The following GRAMD1B variants were observed in gnomAD, a reference collection of about 807,000 sequenced individuals.
GRAMD1B encodes GRAM domain containing 1B, also known as protein Aster-B.
In GRAMD1B, 37 loss-of-function variants were observed where a neutral mutation model predicts 99.7. The ratio of observed to expected loss-of-function variants is 0.37; its 90% CI spans 0.29 to 0.49. The LOEUF (loss-of-function observed/expected upper bound fraction) is 0.49. GRAMD1B is among the 20% of genes least tolerant of loss of function. The pLI is 0.98. For synonymous variants in GRAMD1B, 427 were observed against 387.6 expected (o/e 1.10, Z -1.19); for missense variants, 888 against 1,009.2 (o/e 0.88, Z 1.63).
At chr11:123,406,767 T>C (rs548454792) in intron 1 of GRAMD1B, among the ~76,000 whole-genome samples, 8 of 152,340 alleles carry the variant, frequency 5.3e-5, no homozygotes, top group Admixed American at 2.6e-4. Flanking sequence ...TTTTAAGGGC[T>C]CTCAAGGGAG....
rs181454215 is a variant in GRAMD1B, at chr11:123,490,164, G to A, written c.452+9271G>A. Among the ~76,000 whole-genome samples, 7 of 152,350 alleles carry A rather than the reference G, an allele frequency of 4.6e-5. No individual in the cohort carries two copies. The South Asian group carries it at 8.3e-4, about 18-fold the overall frequency. ...AAATGCAAACTTGGAATTTGGATGG[G>A]TGTCTTAAAGGAAGAGGACATAGTA... On this transcript the variant is annotated intron_variant, in intron 2 of 19. Coordinates refer to ENST00000635736, the MANE Select transcript of GRAMD1B (RefSeq NM_001387025.1).
intron 2 of GRAMD1B, among the ~76,000 whole-genome samples, chr11:123,507,031 G>A (rs899513386): frequency 6.6e-6 from 1 of 152,148 alleles, no homozygotes; most frequent in African/African-American, 2.4e-5. Flanking sequence ...AAACTGAGTC[G>A]GTAGATGTTT....
Position 123,412,039 on chromosome 11 carries a change from A to G in GRAMD1B, c.-176+53240A>G, listed in dbSNP as rs749444992. Among the ~76,000 whole-genome samples, 19 of 152,232 alleles carry G rather than the reference A, an allele frequency of 1.2e-4. 1 individual carries two copies. The highest frequency in any genetic ancestry group is 7.2e-4 in the Admixed American group (11 of 15,284). ...TTATATATAAATACATGTGTTGTAT[A>G]TATATGTAATACATATACATACACA... On this transcript the variant is annotated intron_variant, in intron 1 of 20. Transcript: ENST00000638157.
Position 123,612,836 on chromosome 11 carries a change from T to G in GRAMD1B, c.1995T>G (p.Ser665Arg). 6.2e-7 allele frequency: 1 copy of G among 1,609,494 alleles called. No individual in the cohort carries two copies. Among genetic ancestry groups the G allele is most frequent in the Admixed American group, 1.7e-5 (1 of 59,940 alleles). ...VKTFIEKNFW[S>R]GLEDYFRHLE... ...CGTTCATCGAGAAGAACTTCTGGAG[T>G]GGGCTGGAGGACTACTTCCGCCATT... Residue 665 changes from serine (S) to arginine (R), a missense_variant, in exon 15 of 20, where the codon AGT becomes AGG. Transcript: ENST00000635736.
intron 1 of GRAMD1B, among the ~76,000 whole-genome samples, chr11:123,370,526 G>A (rs1018137089): frequency 6.6e-6 from 1 of 151,796 alleles, no homozygotes; most frequent in African/African-American, 2.4e-5. Context: ...ATTTTTGCTA[G>A]AGACAGGGGT....
chr11:123,482,972 C>G (rs770570841), intron 2 of GRAMD1B, among the ~76,000 whole-genome samples: 5 of 151,432 alleles, frequency 3.3e-5, no homozygotes, highest in Non-Finnish European at 5.9e-5. Flanking sequence ...GGCAGAATCA[C>G]TTGAACCCAG....
intron 4 of GRAMD1B, among the ~76,000 whole-genome samples, chr11:123,586,152 C>T (rs1355971944): frequency 1.3e-5 from 2 of 152,148 alleles, no homozygotes; most frequent in Non-Finnish European, 2.9e-5. Flanking sequence ...GAAGCAGATG[C>T]TGTCTCTTGG....
intron 2 of GRAMD1B, among the ~76,000 whole-genome samples, chr11:123,547,847 A>G (rs1591935397): frequency 6.6e-6 from 1 of 152,156 alleles, no homozygotes; most frequent in African/African-American, 2.4e-5. Flanking sequence ...TCAGTTGACA[A>G]GGCCCACATG....
At chr11:123,420,251 G>A (rs1196307914) in intron 1 of GRAMD1B, among the ~76,000 whole-genome samples, 2 of 152,150 alleles carry the variant, frequency 1.3e-5, no homozygotes, top group African/African-American at 2.4e-5. Flanking sequence ...TTGGAGCCTT[G>A]AGTCTGCAGT....
intron 2 of GRAMD1B, among the ~76,000 whole-genome samples, chr11:123,568,402 T>A (rs1947645155): frequency 6.6e-6 from 1 of 152,250 alleles, no homozygotes. Context: ...GTTCCACCTT[T>A]GGTCCAAATT....
At chr11:123,583,260 CATGCGCATGTGT>C in intron 3 of GRAMD1B, among the ~76,000 whole-genome samples, 1 of 143,166 alleles carries the variant, frequency 7.0e-6, no homozygotes, top group Non-Finnish European at 1.5e-5. Flanking sequence ...TGTGTGTGCA[CATGCGCATGTGT>C]GTGTGCATGT....
intron 1 of GRAMD1B, among the ~76,000 whole-genome samples, chr11:123,415,037 G>T (rs753818961): frequency 6.8e-4 from 103 of 151,462 alleles, no homozygotes; most frequent in Non-Finnish European, 1.2e-3. Context: ...TGTATGAAAG[G>T]CCCCTAAGGC....
chr11:123,440,132 A>G (rs1949339712), intron 1 of GRAMD1B, among the ~76,000 whole-genome samples: 1 of 152,226 alleles, frequency 6.6e-6, no homozygotes, highest in Non-Finnish European at 1.5e-5. Flanking sequence ...AGAGTCTTCA[A>G]GCTTGTTGTC....
At chr11:123,560,628 A>G (rs1024441422) in intron 2 of GRAMD1B, 4 of 483,414 alleles carry the variant, frequency 8.3e-6, no homozygotes, top group Admixed American at 2.4e-5. Context: ...GCACTCTGCT[A>G]CTGTTCCTAC....
intron 3 of GRAMD1B, among the ~76,000 whole-genome samples, chr11:123,583,964 T>A (rs887407347): frequency 2.6e-5 from 4 of 152,082 alleles, no homozygotes; most frequent in African/African-American, 9.7e-5. Context: ...TTGCTTCTGG[T>A]CAGGGCCCAT....
At chr11:123,605,138 T>A (rs956838505) in intron 9 of GRAMD1B, among the ~76,000 whole-genome samples, 184 bp from the exon 10 acceptor site, 3 of 151,970 alleles carry the variant, frequency 2.0e-5, no homozygotes, top group African/African-American at 7.3e-5. Context: ...GGGTGGGATA[T>A]GAAGGAGATT....
chr11:123,568,612 C>G (rs753000040), intron 2 of GRAMD1B, among the ~76,000 whole-genome samples: 11 of 152,202 alleles, frequency 7.2e-5, no homozygotes, highest in Non-Finnish European at 1.2e-4. Flanking sequence ...GGAACTGTGA[C>G]AGGGAAGAAA....
intron 1 of GRAMD1B, among the ~76,000 whole-genome samples, chr11:123,389,838 TG>T (rs1458448377): frequency 1.3e-5 from 2 of 152,092 alleles, no homozygotes; most frequent in African/African-American, 2.4e-5. Context: ...CTCTGCCTCC[TG>T]GGTTCAAGCG....
At chr11:123,606,277 G>A (rs1952697216) in intron 10 of GRAMD1B, among the ~76,000 whole-genome samples, 1 of 152,264 alleles carries the variant, frequency 6.6e-6, no homozygotes, top group South Asian at 2.1e-4. Context: ...AGGATAAACA[G>A]GTACTACCTG....
Sources: allele counts gnomAD v4.1 joint callset (sites outside exome capture counted in the v4.1 genomes callset), GRCh38; gene constraint gnomAD v4.1.1; transcripts MANE v1.5; gene names NCBI Gene and HGNC (gene_info 2026-07-23, HGNC 2026-07-21).